SGK3: variants seen among roughly 807,000 people sequenced by gnomAD.
The protein encoded by SGK3 is serum/glucocorticoid regulated kinase family member 3, also known as serine/threonine-protein kinase Sgk3.
A neutral mutation model predicts 68.5 loss-of-function variants in SGK3; 47 were observed. The ratio of observed to expected loss-of-function variants is 0.69; its 90% CI spans 0.54 to 0.87. The LOEUF (loss-of-function observed/expected upper bound fraction) is 0.87. SGK3 is among the 40% of genes least tolerant of loss of function. The pLI, the probability that SGK3 is intolerant of heterozygous loss-of-function variation, is 0.00. For missense variants in SGK3, 479 were observed against 575.5 expected (o/e 0.83, Z 1.72); for synonymous variants, 181 against 189.1 (o/e 0.96, Z 0.35).
chr8:66,723,120 TATA>T (rs1804862420), intron 1 of SGK3, among the ~76,000 whole-genome samples: 2 of 55,608 alleles, frequency 3.6e-5, no homozygotes, highest in African/African-American at 1.6e-4. Flanking sequence ...TATATATATA[TATA>T]TATATATATT....
At chr8:66,727,965 TACACTTA>T (rs1477898638) in intron 1 of SGK3, among the ~76,000 whole-genome samples, 2 of 152,206 alleles carry the variant, frequency 1.3e-5, no homozygotes, top group Non-Finnish European at 2.9e-5. Context: ...TAGAGTAATT[TACACTTA>T]ACACTTAAAA....
intron 1 of SGK3, among the ~76,000 whole-genome samples, chr8:66,783,465 A>G (rs1044660830): frequency 3.9e-5 from 6 of 152,148 alleles, no homozygotes; most frequent in African/African-American, 1.4e-4. Flanking sequence ...CATTTGCAAA[A>G]TCATTGCCAT....
intron 14 of SGK3, among the ~76,000 whole-genome samples, chr8:66,844,815 A>C (rs983173375): frequency 6.6e-6 from 1 of 152,194 alleles, no homozygotes; most frequent in African/African-American, 2.4e-5. Flanking sequence ...GCTAGTTTCG[A>C]ATGATAGATT....
intron 2 of SGK3, among the ~76,000 whole-genome samples, chr8:66,796,265 T>C (rs1248775231): frequency 6.7e-6 from 1 of 150,330 alleles, no homozygotes; most frequent in East Asian, 2.0e-4. Context: ...GCCTCCCAAG[T>C]AGCTGGGACT....
intron 4 of SGK3, among the ~76,000 whole-genome samples, chr8:66,808,537 G>C (rs1486460666): frequency 6.7e-6 from 1 of 149,310 alleles, no homozygotes; most frequent in African/African-American, 2.5e-5. Context: ...TTTTGAGATG[G>C]AGTTTCGCTC....
At chr8:66,826,319 T>A (rs1168197462) in intron 6 of SGK3, among the ~76,000 whole-genome samples, 2 of 152,190 alleles carry the variant, frequency 1.3e-5, no homozygotes, top group African/African-American at 2.4e-5. Context: ...ATTAAACCAG[T>A]TATCTGCACA....
At chr8:66,767,520 G>A (rs184533673) in intron 1 of SGK3, 7 of 1,512,560 alleles carry the variant, frequency 4.6e-6, no homozygotes, top group Middle Eastern at 3.4e-4. Flanking sequence ...GTGAAGGGGG[G>A]CCCAGCTGAA....
At chr8:66,802,384 T>C (rs1396553471) in intron 3 of SGK3, among the ~76,000 whole-genome samples, 2 of 152,176 alleles carry the variant, frequency 1.3e-5, no homozygotes, top group Non-Finnish European at 2.9e-5. Flanking sequence ...TTAAACTTTT[T>C]ATTATAGAAA....
chr8:66,830,129 T>C (rs966594448), intron 7 of SGK3, among the ~76,000 whole-genome samples: 2 of 152,164 alleles, frequency 1.3e-5, no homozygotes, highest in Non-Finnish European at 2.9e-5. Flanking sequence ...GTGCTGGGAT[T>C]ACAGGCATGA....
chr8:66,713,998 T>C (rs1804566700), intron 1 of SGK3, among the ~76,000 whole-genome samples: 1 of 152,208 alleles, frequency 6.6e-6, no homozygotes, highest in Non-Finnish European at 1.5e-5. Flanking sequence ...CCTGAATGAC[T>C]TGTGTAACAT....
chr8:66,719,446 C>T (rs1029425748), intron 1 of SGK3, among the ~76,000 whole-genome samples: 1 of 152,058 alleles, frequency 6.6e-6, no homozygotes, highest in African/African-American at 2.4e-5. Flanking sequence ...CCTGCCTTGG[C>T]CTCCTGAGTA....
chr8:66,736,655 T>G (rs966252931), intron 1 of SGK3, among the ~76,000 whole-genome samples: 1 of 151,614 alleles, frequency 6.6e-6, no homozygotes, highest in Non-Finnish European at 1.5e-5. Context: ...GTTTCACTCT[T>G]ATTGCCAAGG....
intron 5 of SGK3, among the ~76,000 whole-genome samples, chr8:66,821,909 A>G (rs537789791): frequency 1.1e-4 from 16 of 151,680 alleles, no homozygotes; most frequent in African/African-American, 3.9e-4. Flanking sequence ...TTTACCAAGT[A>G]TTGCCAGATT....
chr8:66,767,896 C>G (rs1379078894), intron 1 of SGK3: 1 of 1,213,984 alleles, frequency 8.2e-7, no homozygotes, highest in Non-Finnish European at 1.2e-6. Flanking sequence ...TTGAGATCTC[C>G]CATCTAAGGC....
At chr8:66,755,603 A>C (rs1805951788) in intron 1 of SGK3, among the ~76,000 whole-genome samples, 1 of 148,118 alleles carries the variant, frequency 6.8e-6, no homozygotes, top group African/African-American at 2.6e-5. Flanking sequence ...TCTTGTTTTC[A>C]TCTCTGAAAC....
intron 5 of SGK3, among the ~76,000 whole-genome samples, chr8:66,815,354 A>ACAGGTATCCTCTGCCAC (rs1808536095): frequency 6.6e-6 from 1 of 152,202 alleles, no homozygotes; most frequent in African/African-American, 2.4e-5. Context: ...TGCAGTAAGA[A>ACAGGTATCCTCTGCCAC]CAGGTATCCT....
intron 7 of SGK3, among the ~76,000 whole-genome samples, chr8:66,829,288 T>C (rs1809202363): frequency 6.6e-6 from 1 of 152,218 alleles, no homozygotes. Context: ...GTAATTATCC[T>C]TACAGGCGTA....
At chr8:66,856,532 C>T (rs1810515565) in intron 16 of SGK3, among the ~76,000 whole-genome samples, 1 of 152,152 alleles carries the variant, frequency 6.6e-6, no homozygotes, top group African/African-American at 2.4e-5. Flanking sequence ...GCTCCAGTGA[C>T]TGTCATGTAG....
intron 6 of SGK3, 128 bp downstream of exon 6, chr8:66,822,587 TA>T: frequency 1.3e-6 from 1 of 741,184 alleles, no homozygotes; most frequent in Admixed American, 3.3e-5. Context: ...GTAGAACACA[TA>T]AAAACAAATG....
Sources: allele counts gnomAD v4.1 joint callset (sites outside exome capture counted in the v4.1 genomes callset), GRCh38; gene constraint gnomAD v4.1.1; transcripts MANE v1.5; gene names NCBI Gene and HGNC (gene_info 2026-07-23, HGNC 2026-07-21).